Variants in CNTN3 observed in about 807,000 individuals in gnomAD.
CNTN3 encodes the protein contactin-3.
CNTN3 carries 60 observed loss-of-function variants against 119.1 expected under a neutral mutation model. The observed-to-expected ratio is 0.50, with a 90% CI of 0.41 to 0.62. The LOEUF (loss-of-function observed/expected upper bound fraction) is 0.62. Among genes scored for constraint, CNTN3 ranks in the 20% least tolerant of loss-of-function variants. The pLI is 0.00. For synonymous variants in CNTN3, 450 were observed against 438.7 expected, an observed-to-expected ratio of 1.03 and a Z score of -0.32; for missense variants, 1,101 against 1,242.4, an observed-to-expected ratio of 0.89 and a Z score of 1.71.
rs568725509 is a variant in CNTN3 at position 74,319,819 on chromosome 3, A to G, written c.1668+14916T>C. Among the ~76,000 whole-genome samples, 53 of 150,368 alleles carry G rather than the reference A, an allele frequency of 3.5e-4. No homozygotes were observed. In the East Asian group the frequency reaches 8.9e-3, roughly 25 times the overall value. ...TACAATGAACTCAAACAAATTTACA[A>G]AAAAAAAAACAAACAACCCCATCAA... On this transcript the variant is annotated intron_variant, in intron 13 of 22. Transcript: ENST00000263665.
intron 13 of CNTN3, among the ~76,000 whole-genome samples, chr3:74,319,348 C>A (rs1182904062): frequency 6.6e-6 from 1 of 152,118 alleles, no homozygotes; most frequent in Admixed American, 6.5e-5. Flanking sequence ...ACAGAGCCCT[C>A]AGAAATAATG....
chr3:74,381,120 G>C (rs72896184), intron 5 of CNTN3, among the ~76,000 whole-genome samples: 1 of 140,812 alleles, frequency 7.1e-6, no homozygotes, highest in African/African-American at 2.6e-5. Context: ...AAACACACAC[G>C]CACGCACAGT....
chr3:74,336,061 C>T (rs1328016195), intron 12 of CNTN3, among the ~76,000 whole-genome samples: 1 of 152,032 alleles, frequency 6.6e-6, no homozygotes, highest in African/African-American at 2.4e-5. Context: ...CTCAAGGATA[C>T]AGCCCAAGCA....
chr3:74,538,676 T>A (rs1483739613), intron 1 of CNTN3, among the ~76,000 whole-genome samples: 2 of 152,160 alleles, frequency 1.3e-5, no homozygotes, highest in Non-Finnish European at 2.9e-5. Context: ...CTATCAAGGA[T>A]ATAAAGGATG....
chr3:74,380,430 A>G (rs1704585189), intron 5 of CNTN3, among the ~76,000 whole-genome samples: 2 of 152,230 alleles, frequency 1.3e-5, no homozygotes, highest in African/African-American at 4.8e-5. Flanking sequence ...GACTTCAGTG[A>G]CAGTAAATAA....
chr3:74,612,693 T>C (rs993446822), intron 1 of CNTN3, among the ~76,000 whole-genome samples: 1 of 152,190 alleles, frequency 6.6e-6, no homozygotes, highest in Non-Finnish European at 1.5e-5. Context: ...TTGCTATATT[T>C]CCCTGGTGGA....
chr3:74,334,942 C>T, intron 12 of CNTN3, 32 bp from the exon 13 acceptor site: 1 of 1,563,264 alleles, frequency 6.4e-7, no homozygotes, highest in Non-Finnish European at 8.8e-7. Flanking sequence ...AGAAAAACAG[C>T]ATTTTATTGT....
chr3:74,331,374 TGTAGTAG>T (rs1703261268), intron 13 of CNTN3, among the ~76,000 whole-genome samples: 1 of 152,198 alleles, frequency 6.6e-6, no homozygotes, highest in African/African-American at 2.4e-5. Context: ...AGCCTGGGTG[TGTAGTAG>T]GCTGTATCAT....
At chr3:74,410,431 G>C (rs1431682029) in intron 5 of CNTN3, among the ~76,000 whole-genome samples, 1 of 152,200 alleles carries the variant, frequency 6.6e-6, no homozygotes, top group East Asian at 1.9e-4. Context: ...GAATTAACAT[G>C]TCATGTTTAT....
intron 4 of CNTN3, among the ~76,000 whole-genome samples, chr3:74,440,308 T>C (rs1185017230): frequency 6.6e-6 from 1 of 152,132 alleles, no homozygotes; most frequent in African/African-American, 2.4e-5. Context: ...ATTAAGTGAT[T>C]CCAATAAGAG....
chr3:74,271,449 C>T (rs2106751424), intron 20 of CNTN3, among the ~76,000 whole-genome samples: 1 of 152,184 alleles, frequency 6.6e-6, no homozygotes, highest in Non-Finnish European at 1.5e-5. Flanking sequence ...TAAATGTTTT[C>T]CTTTATATAA....
chr3:74,352,386 A>G (rs548936839), intron 11 of CNTN3, among the ~76,000 whole-genome samples: 34 of 152,226 alleles, frequency 2.2e-4, no homozygotes, highest in Admixed American at 2.2e-3. Context: ...AAACACCTTC[A>G]CTAGAGGCAG....
rs547696856 is a variant in CNTN3 at position 74,610,707 on chromosome 3, C to T, written c.-81+3684G>A. ...GCAGGATGATTTGGGGGAAGAAGTA[C>T]GAAAGGAGCCAAGGAAGCCAGTGTA... On this transcript the variant is annotated intron_variant, in intron 1 of 22. Transcript: ENST00000263665. Among the ~76,000 whole-genome samples, 13 of 150,948 alleles carry T rather than the reference C, an allele frequency of 8.6e-5. No homozygotes were observed. In the East Asian group the frequency reaches 1.2e-3, roughly 14 times the overall value.
intron 2 of CNTN3, among the ~76,000 whole-genome samples, chr3:74,513,149 C>T (rs528393920): frequency 1.3e-5 from 2 of 151,998 alleles, no homozygotes; most frequent in African/African-American, 4.8e-5. Context: ...CCCTTTAAAT[C>T]AAAAAAGTTT....
rs138613310 is a variant in CNTN3, at chr3:74,525,458, G to A, written c.-80-4266C>T. Reference sequence around the variant, plus strand: ...TCTCAGCATTGCCATGTATCATCACGGAGAGAGGTGACATATTAAAGCTCT... The same window carrying A: ...TCTCAGCATTGCCATGTATCATCACAGAGAGAGGTGACATATTAAAGCTCT... On this transcript the variant is annotated intron_variant, in intron 1 of 22. Coordinates refer to ENST00000263665, the MANE Select transcript of CNTN3 (RefSeq NM_020872.3). Among the ~76,000 whole-genome samples the A allele has an allele frequency of 4.4e-4, 67 of 151,758 alleles. 1 individual carries two copies. The highest frequency in any genetic ancestry group is 3.4e-3 in the Middle Eastern group (1 of 294).
intron 4 of CNTN3, 126 bp downstream of exon 4, chr3:74,486,330 G>A: frequency 1.2e-6 from 1 of 802,818 alleles, no homozygotes; most frequent in Non-Finnish European, 1.9e-6. Context: ...ATACTGAATT[G>A]CTTTCTCAGT....
intron 13 of CNTN3, among the ~76,000 whole-genome samples, chr3:74,304,050 A>G (rs992513902): frequency 4.6e-5 from 7 of 152,212 alleles, no homozygotes; most frequent in South Asian, 2.1e-4. Flanking sequence ...GATGAATTCT[A>G]CTATCCTATT....
chr3:74,264,443 A>G lies in CNTN3; in HGVS notation c.3045T>C (p.Tyr1015=). 6.2e-7 allele frequency: 1 copy of G among 1,611,852 alleles called. No homozygotes were observed. The highest frequency in any genetic ancestry group is 1.1e-5 in the South Asian group (1 of 90,964). Residue 1015 remains tyrosine (Y), a synonymous_variant, in exon 23 of 23, where the codon TAT becomes TAC. Transcript: ENST00000263665. Reference sequence around the variant, plus strand: ...CAATTAAGAACAGTACTATAGGCATATAACTTGACATAGGGTGGACATTCG... The same window carrying G: ...CAATTAAGAACAGTACTATAGGCATGTAACTTGACATAGGGTGGACATTCG... The part of the protein sequence containing the change: ...AISNVHPMSS[Y]MPIVLFLIVY...
Position 74,557,555 on chromosome 3 carries a change from C to T in CNTN3, c.-80-36363G>A, listed in dbSNP as rs558713362. Among the ~76,000 whole-genome samples the T allele has an allele frequency of 2.0e-5, 3 of 152,164 alleles. No homozygotes were observed. In the South Asian group the frequency reaches 6.2e-4, roughly 32 times the overall value. On this transcript the variant is annotated intron_variant, in intron 1 of 22. Transcript: ENST00000263665. ...GGGATAGAAGCAGAAGTAGCCTCAG[C>T]AATCCATATGGGAAATTTCTTTTTT...
Sources: gnomAD v4.1 joint callset for allele counts (sites outside exome capture counted in the v4.1 genomes callset) on GRCh38, gnomAD v4.1.1 for gene constraint, MANE v1.5 for transcripts, NCBI Gene and HGNC (gene_info 2026-07-23, HGNC 2026-07-21) for gene names.